ELMO1: variants seen among roughly 807,000 people sequenced by gnomAD.
ELMO1 encodes the protein engulfment and cell motility protein 1.
A neutral mutation model predicts 98.9 loss-of-function variants in ELMO1; 26 were observed. The ratio of observed to expected loss-of-function variants is 0.26; its 90% CI spans 0.19 to 0.36. The LOEUF (loss-of-function observed/expected upper bound fraction) is 0.36, where lower values mean the gene tolerates loss of function less well. Ranked by LOEUF, ELMO1 falls within the 10% of genes least tolerant of loss-of-function variation. ELMO1 has a pLI of 1.00. For missense variants in ELMO1, 627 were observed against 935.2 expected, an observed-to-expected ratio of 0.67 and a Z score of 4.30; for synonymous variants, 346 against 346.0, an observed-to-expected ratio of 1.00 and a Z score of 0.00.
At chr7:37,236,543 T>C (rs1367937691) in intron 7 of ELMO1, among the ~76,000 whole-genome samples, 1 of 152,182 alleles carries the variant, frequency 6.6e-6, no homozygotes, top group African/African-American at 2.4e-5. Context: ...ATTTTATATA[T>C]TACTAGCATA....
chr7:37,058,237 G>A (rs148665352), intron 15 of ELMO1, among the ~76,000 whole-genome samples: 55 of 152,184 alleles, frequency 3.6e-4, no homozygotes, highest in African/African-American at 1.3e-3. Context: ...TCTGTGGGCT[G>A]GTTTCATATA....
At chr7:37,034,754 G>A (rs1795084606) in intron 15 of ELMO1, among the ~76,000 whole-genome samples, 1 of 152,150 alleles carries the variant, frequency 6.6e-6, no homozygotes, top group Admixed American at 6.5e-5. Context: ...AACTTATGGG[G>A]TTCTGGGTGG....
At chr7:37,375,789 T>A in intron 1 of ELMO1, 1 of 953,952 alleles carries the variant, frequency 1.0e-6, no homozygotes, top group Non-Finnish European at 1.7e-6. Context: ...CCCTGGAGAC[T>A]GTGCCTGCCA....
chr7:36,915,333 T>C (rs1288526138), intron 16 of ELMO1, among the ~76,000 whole-genome samples: 1 of 152,240 alleles, frequency 6.6e-6, no homozygotes, highest in Non-Finnish European at 1.5e-5. Context: ...ACACTACTCA[T>C]AATATATGCA....
At position 37,090,184 on chromosome 7, in the gene ELMO1, G is replaced by A. The variant is rs116168378; in HGVS notation, c.1300+6435C>T. Among the ~76,000 whole-genome samples, 631 of 112,014 alleles carry A rather than the reference G, an allele frequency of 5.6e-3. 5 individuals carry two copies. Among genetic ancestry groups the A allele is most frequent in the African/African-American group, 0.018 (557 of 31,622 alleles). The allele number at this position is 112,014 out of a possible 152,430, so 73.5% of individuals were successfully genotyped here. On this transcript the variant is annotated intron_variant, in intron 15 of 21. Transcript: ENST00000310758. Reference sequence around the variant, plus strand: ...CGGACAGGTATGCTAACCAGCTCTAGGATCTACACAACTCTGGACTTATGC... The same window carrying A: ...CGGACAGGTATGCTAACCAGCTCTAAGATCTACACAACTCTGGACTTATGC...
rs36110041 is a variant in ELMO1 at position 37,278,113 on chromosome 7, C to CTTTTT, written c.193-6236_193-6232dup. Among the ~76,000 whole-genome samples the CTTTTT allele has an allele frequency of 3.9e-3, 334 of 85,534 alleles. 2 individuals are homozygous for CTTTTT. Among genetic ancestry groups the CTTTTT allele is most frequent in the East Asian group, 0.019 (46 of 2,374 alleles). 56.1% of individuals were successfully genotyped at this position (85,534 alleles called of 152,430 possible). A position where few individuals can be genotyped will look rare whatever the true frequency, so the allele number is the denominator to read the frequency against. On this transcript the variant is annotated intron_variant, in intron 4 of 21. Coordinates refer to ENST00000310758, the MANE Select transcript of ELMO1 (RefSeq NM_014800.11). Reference sequence around the variant, plus strand: ...ACTTTACTTTCTGTGATAGCTTTTCCTTTTTTTTTTTTTTTTTTTTTTTGG... The same window carrying CTTTTT: ...ACTTTACTTTCTGTGATAGCTTTTCCTTTTTTTTTTTTTTTTTTTTTTTTTTTTGG...
chr7:36,967,413 T>C (rs889330577), intron 16 of ELMO1, among the ~76,000 whole-genome samples: 7 of 152,204 alleles, frequency 4.6e-5, no homozygotes, highest in Non-Finnish European at 1.0e-4. Context: ...GTGATATGTC[T>C]TTAATTAACA....
chr7:37,359,910 ACAG>A (rs1801633964), intron 1 of ELMO1, among the ~76,000 whole-genome samples: 1 of 152,156 alleles, frequency 6.6e-6, no homozygotes, highest in Non-Finnish European at 1.5e-5. Flanking sequence ...GAGTCTGTGG[ACAG>A]GAATCAGTTA....
chr7:37,381,557 A>C (rs984464775), intron 1 of ELMO1, among the ~76,000 whole-genome samples: 1 of 152,250 alleles, frequency 6.6e-6, no homozygotes, highest in Non-Finnish European at 1.5e-5. Context: ...GAGTACTTAC[A>C]ATAACAATGG....
rs1783903883 is a variant in ELMO1, at chr7:36,905,569, C to T, written c.1438-10552G>A. Among the ~76,000 whole-genome samples the T allele has an allele frequency of 2.0e-5, 3 of 152,312 alleles. No individual in the cohort carries two copies. In the South Asian group the frequency reaches 6.2e-4, roughly 32 times the overall value. On this transcript the variant is annotated intron_variant, in intron 16 of 21. Transcript: ENST00000310758. ...TCTTTGTTAATGAATAAATGATATC[C>T]ACAGGCATCCCTTTCAACATTCAGG...
intron 4 of ELMO1, among the ~76,000 whole-genome samples, chr7:37,283,259 C>T (rs959278969): frequency 1.3e-5 from 2 of 152,068 alleles, no homozygotes; most frequent in South Asian, 2.1e-4. Flanking sequence ...ACGACAAACT[C>T]GCCTTAAAGG....
chr7:37,117,748 T>A (rs1785700918), intron 14 of ELMO1, among the ~76,000 whole-genome samples: 1 of 152,056 alleles, frequency 6.6e-6, no homozygotes, highest in Non-Finnish European at 1.5e-5. Context: ...GAACAAAAAT[T>A]AAAGCCAGGA....
chr7:37,263,332 T>C (rs1796074630), intron 5 of ELMO1, among the ~76,000 whole-genome samples: 1 of 151,940 alleles, frequency 6.6e-6, no homozygotes, highest in African/African-American at 2.4e-5. Context: ...GGAATGTTCC[T>C]TCAAAATCCT....
chr7:36,893,516 GA>G (rs1432285703), intron 17 of ELMO1, among the ~76,000 whole-genome samples: 3 of 152,220 alleles, frequency 2.0e-5, no homozygotes, highest in Admixed American at 2.0e-4. Flanking sequence ...CAACTAGTCT[GA>G]AGGGTTCTAC....
chr7:36,901,953 T>A (rs1259701606), intron 16 of ELMO1, among the ~76,000 whole-genome samples: 1 of 152,202 alleles, frequency 6.6e-6, no homozygotes, highest in African/African-American at 2.4e-5. Context: ...GGTGTTTTCA[T>A]CAAATGGTAT....
intron 18 of ELMO1, among the ~76,000 whole-genome samples, chr7:36,881,297 G>C (rs752800390): frequency 7.2e-5 from 11 of 152,236 alleles, no homozygotes; most frequent in Non-Finnish European, 1.5e-5. Flanking sequence ...TACAAGGATA[G>C]CATCAGCACA....
In ELMO1 at chr7:37,342,993, C is replaced by T. The variant is rs915591422; in HGVS notation, c.-73-230G>A. On this transcript the variant is annotated intron_variant, in intron 1 of 21. Transcript: ENST00000310758. The surrounding 1 kb of genome is among the most constrained non-coding windows in gnomAD (Gnocchi z 4.3). ...CCCTTGAGTCAAAGCCGCCAGGAGA[C>T]GCTGCCCTGTGGGGCACGGCTTGCG... 5.1e-5 allele frequency: 17 copies of T among 336,014 alleles called. No individual in the cohort carries two copies. Among genetic ancestry groups the T allele is most frequent in the Middle Eastern group, 8.3e-4 (1 of 1,210 alleles). The allele number at this position is 336,014 out of a possible 1,614,324, so 20.8% of individuals were successfully genotyped here.
At chr7:37,446,509 TG>T (rs1218779789) in intron 1 of ELMO1, among the ~76,000 whole-genome samples, 1 of 152,116 alleles carries the variant, frequency 6.6e-6, no homozygotes, top group Non-Finnish European at 1.5e-5. Context: ...TCTGGACATG[TG>T]GGAGAAAAGC....
chr7:37,427,531 A>C (rs1418835775), intron 1 of ELMO1, among the ~76,000 whole-genome samples: 1 of 152,224 alleles, frequency 6.6e-6, no homozygotes, highest in Non-Finnish European at 1.5e-5. Flanking sequence ...AAAACCTATA[A>C]AAATATTTTA....
Sources: gnomAD v4.1 joint callset for allele counts (sites outside exome capture counted in the v4.1 genomes callset) on GRCh38, gnomAD v4.1.1 for gene constraint, Gnocchi (gnomAD v3.1) non-coding constraint, MANE v1.5 for transcripts, NCBI Gene and HGNC (gene_info 2026-07-23, HGNC 2026-07-21) for gene names.